Variants in GAB1 observed in about 807,000 individuals in gnomAD.
GAB1 encodes the protein GRB2-associated-binding protein 1.
In GAB1, 19 loss-of-function variants were observed where a neutral mutation model predicts 66.5. The ratio of observed to expected loss-of-function variants is 0.29; its 90% CI spans 0.20 to 0.42. The LOEUF (loss-of-function observed/expected upper bound fraction) is 0.42. Among genes scored for constraint, GAB1 ranks in the 10% least tolerant of loss-of-function variants. GAB1 has a pLI of 1.00. For missense variants in GAB1, 732 were observed against 858.5 expected, an observed-to-expected ratio of 0.85 and a Z score of 1.84; for synonymous variants, 294 against 301.4, an observed-to-expected ratio of 0.98 and a Z score of 0.25.
At chr4:143,359,833 C>G (rs1464725070) in intron 1 of GAB1, among the ~76,000 whole-genome samples, 2 of 152,132 alleles carry the variant, frequency 1.3e-5, no homozygotes, top group African/African-American at 4.8e-5. Context: ...TGGTTTCTCC[C>G]TATTGTGTTA....
chr4:143,457,844 A>C, intron 6 of GAB1: 1 of 802,080 alleles, frequency 1.2e-6, no homozygotes, highest in Admixed American at 3.5e-5. Context: ...TTTTTTCTAA[A>C]AATAAAGAAG....
chr4:143,355,069 A>G (rs992610710), intron 1 of GAB1, among the ~76,000 whole-genome samples: 1 of 152,204 alleles, frequency 6.6e-6, no homozygotes, highest in African/African-American at 2.4e-5. Context: ...ATTTTCTTCG[A>G]GATTTTTATT....
At chr4:143,375,132 G>A (rs1409030136) in intron 1 of GAB1, among the ~76,000 whole-genome samples, 1 of 152,162 alleles carries the variant, frequency 6.6e-6, no homozygotes, top group Non-Finnish European at 1.5e-5. Flanking sequence ...TATTTTACTA[G>A]AGACGGGGTT....
chr4:143,467,401 T>C (rs1220277070), intron 9 of GAB1, among the ~76,000 whole-genome samples: 1 of 152,228 alleles, frequency 6.6e-6, no homozygotes, highest in Non-Finnish European at 1.5e-5. Flanking sequence ...TGCCTTCTTT[T>C]TGGATTCATA....
chr4:143,369,543 A>G (rs938026550), intron 1 of GAB1, among the ~76,000 whole-genome samples: 3 of 152,264 alleles, frequency 2.0e-5, no homozygotes, highest in African/African-American at 4.8e-5. Flanking sequence ...GTCAGCCTCA[A>G]TAATAGAAGA....
chr4:143,459,300 TATAA>T (rs1735362852), intron 6 of GAB1, 81 bp from the exon 7 acceptor site: 1 of 805,770 alleles, frequency 1.2e-6, no homozygotes, highest in African/African-American at 1.7e-5. Context: ...GGCTATCAAA[TATAA>T]ATAGAGTTAC....
intron 2 of GAB1, among the ~76,000 whole-genome samples, chr4:143,423,978 G>A (rs1182369272): frequency 6.6e-6 from 1 of 151,274 alleles, no homozygotes; most frequent in Non-Finnish European, 1.5e-5. Context: ...TGGGAGAAGT[G>A]GAAGGTTAAA....
intron 6 of GAB1, among the ~76,000 whole-genome samples, chr4:143,446,798 A>T (rs1734577316): frequency 6.6e-6 from 1 of 151,324 alleles, no homozygotes; most frequent in Admixed American, 6.6e-5. Context: ...CTTTAGTTTA[A>T]TTAGATCCCA....
intron 1 of GAB1, among the ~76,000 whole-genome samples, chr4:143,352,664 A>C (rs1729277962): frequency 6.6e-6 from 1 of 152,196 alleles, no homozygotes; most frequent in South Asian, 2.1e-4. Context: ...TGCAGTTTCT[A>C]ACTTGAACCC....
chr4:143,348,802 A>G (rs372384219), intron 1 of GAB1, among the ~76,000 whole-genome samples: 1 of 151,858 alleles, frequency 6.6e-6, no homozygotes, highest in East Asian at 1.9e-4. Context: ...TTCCTTCTCC[A>G]CTCAGTCTCT....
At chr4:143,455,319 A>G (rs1451021691) in intron 6 of GAB1, among the ~76,000 whole-genome samples, 2 of 152,198 alleles carry the variant, frequency 1.3e-5, no homozygotes, top group East Asian at 3.8e-4. Context: ...TCAGAAGGAT[A>G]ATTGGAGATA....
intron 1 of GAB1, among the ~76,000 whole-genome samples, chr4:143,374,937 A>C (rs757624065): frequency 1.3e-5 from 2 of 152,196 alleles, no homozygotes; most frequent in Non-Finnish European, 2.9e-5. Context: ...TTCTTGGAAT[A>C]CTTTTTCAAG....
At chr4:143,450,125 A>G (rs1734832862) in intron 6 of GAB1, among the ~76,000 whole-genome samples, 1 of 152,176 alleles carries the variant, frequency 6.6e-6, no homozygotes, top group East Asian at 1.9e-4. Context: ...GCATTTTTAC[A>G]GCAGAGCCTT....
At chr4:143,357,244 C>T (rs890989330) in intron 1 of GAB1, among the ~76,000 whole-genome samples, 11 of 152,170 alleles carry the variant, frequency 7.2e-5, no homozygotes, top group Non-Finnish European at 1.6e-4. Flanking sequence ...AAGATGCCAG[C>T]CTGGTTCAAC....
At chr4:143,348,380 T>C (rs1729055536) in intron 1 of GAB1, among the ~76,000 whole-genome samples, 1 of 152,244 alleles carries the variant, frequency 6.6e-6, no homozygotes, top group African/African-American at 2.4e-5. Context: ...TATCATCCTT[T>C]CCCTTAAACC....
At chr4:143,462,574 T>G (rs1227387313) in intron 8 of GAB1, among the ~76,000 whole-genome samples, 1 of 152,142 alleles carries the variant, frequency 6.6e-6, no homozygotes, top group Non-Finnish European at 1.5e-5. Context: ...TACAATTTTT[T>G]TTTTTTACAC....
At chr4:143,349,479 G>C (rs1729106293) in intron 1 of GAB1, 1 of 1,513,998 alleles carries the variant, frequency 6.6e-7, no homozygotes, top group Admixed American at 1.7e-5. Context: ...TGCAGCCCTG[G>C]GCTGGGGTGT....
Position 143,385,688 on chromosome 4 carries a change from T to C in GAB1, c.73-29789T>C, listed in dbSNP as rs1730864171. 2.0e-5 allele frequency among the ~76,000 whole-genome samples: 3 copies of C among 152,180 alleles called. No homozygotes were observed. The South Asian group carries it at 6.2e-4, about 32-fold the overall frequency. ...CATTTACATCCTATTGGCCAGAACA[T>C]GACCACAGCAAGCTTCAAGGGAGGC... On this transcript the variant is annotated intron_variant, in intron 1 of 9. Transcript: ENST00000262994.
intron 6 of GAB1, among the ~76,000 whole-genome samples, chr4:143,458,093 T>C (rs187154194): frequency 7.2e-5 from 11 of 152,292 alleles, no homozygotes; most frequent in Admixed American, 3.9e-4. Flanking sequence ...TCTGTCTTTA[T>C]GTATATGTGT....
Sources: gnomAD v4.1 joint callset for allele counts (sites outside exome capture counted in the v4.1 genomes callset) on GRCh38, gnomAD v4.1.1 for gene constraint, MANE v1.5 for transcripts, NCBI Gene and HGNC (gene_info 2026-07-23, HGNC 2026-07-21) for gene names.